The following IL15 variants were observed in gnomAD, a reference collection of about 807,000 sequenced individuals.
IL15 encodes the protein interleukin 15.
A neutral mutation model predicts 19.6 loss-of-function variants in IL15; 11 were observed. The observed-to-expected ratio is 0.56, with a 90% CI of 0.35 to 0.93. The LOEUF (loss-of-function observed/expected upper bound fraction) is 0.93, where lower values mean the gene tolerates loss of function less well. IL15 is among the 40% of genes least tolerant of loss of function. IL15 has a pLI of 0.01. For missense variants in IL15, 197 were observed against 186.5 expected (o/e 1.06, Z -0.33); for synonymous variants, 58 against 59.6 (o/e 0.97, Z 0.12).
chr4:141,657,626 A>G (rs1423708413), intron 2 of IL15, among the ~76,000 whole-genome samples: 1 of 152,062 alleles, frequency 6.6e-6, no homozygotes, highest in Non-Finnish European at 1.5e-5. Context: ...TTAAAAACTA[A>G]GACATAAACT....
At chr4:141,728,404 G>T (rs1397380262) in intron 6 of IL15, among the ~76,000 whole-genome samples, 1 of 151,988 alleles carries the variant, frequency 6.6e-6, no homozygotes, top group Admixed American at 6.6e-5. Context: ...TTCATGTTCT[G>T]CATTTTACAT....
chr4:141,713,206 G>A lies in IL15; in HGVS notation c.-99-6160G>A, dbSNP rs116242401. Reference sequence around the variant, plus strand: ...GCAATTGCTGAAAATGTCTTAGTGCGATTAATGATAGGAAGATTGGAGATG... The same window carrying A: ...GCAATTGCTGAAAATGTCTTAGTGCAATTAATGATAGGAAGATTGGAGATG... On this transcript the variant is annotated intron_variant, in intron 2 of 7. Coordinates refer to ENST00000320650, the MANE Select transcript of IL15 (RefSeq NM_000585.5). Among the ~76,000 whole-genome samples the A allele has an allele frequency of 5.2e-3, 792 of 152,236 alleles. 13 individuals carry two copies. The highest frequency in any genetic ancestry group is 0.018 in the African/African-American group (736 of 41,544).
chr4:141,670,493 ACC>A (rs1728135400), intron 2 of IL15, among the ~76,000 whole-genome samples: 2 of 152,182 alleles, frequency 1.3e-5, no homozygotes, highest in Non-Finnish European at 2.9e-5. Flanking sequence ...TCTTAAACTA[ACC>A]ATAATTAATG....
At chr4:141,643,555 A>T (rs1727123278) in intron 1 of IL15, among the ~76,000 whole-genome samples, 1 of 152,122 alleles carries the variant, frequency 6.6e-6, no homozygotes, top group Non-Finnish European at 1.5e-5. Flanking sequence ...AGAGTTCTTC[A>T]TGTGGCTTCC....
intron 5 of IL15, among the ~76,000 whole-genome samples, chr4:141,724,099 A>C (rs1417400143): frequency 6.6e-6 from 1 of 152,118 alleles, no homozygotes; most frequent in African/African-American, 2.4e-5. Context: ...TTTTTTCAGA[A>C]CTTAAATCAT....
chr4:141,707,105 T>A (rs1470714109), intron 2 of IL15, among the ~76,000 whole-genome samples: 2 of 152,188 alleles, frequency 1.3e-5, no homozygotes, highest in Non-Finnish European at 2.9e-5. Flanking sequence ...TCTTTTGTTC[T>A]TATTTCTGTG....
chr4:141,662,102 A>T (rs1216554221), intron 2 of IL15, among the ~76,000 whole-genome samples: 4 of 152,196 alleles, frequency 2.6e-5, no homozygotes, highest in Admixed American at 6.5e-5. Flanking sequence ...TAGTTTTGTC[A>T]TGACTTGCCT....
chr4:141,652,111 C>A (rs1727426826), intron 1 of IL15, among the ~76,000 whole-genome samples: 1 of 151,934 alleles, frequency 6.6e-6, no homozygotes, highest in African/African-American at 2.4e-5. Context: ...TAATATAAAG[C>A]AGAAAAAATG....
intron 2 of IL15, chr4:141,714,634 G>T (rs557542919): frequency 6.6e-6 from 1 of 152,236 alleles, no homozygotes; most frequent in Non-Finnish European, 1.5e-5. Context: ...TGCTGAAACT[G>T]TGTCTTGCTT....
intron 2 of IL15, among the ~76,000 whole-genome samples, chr4:141,696,179 T>A (rs1327923922): frequency 1.3e-5 from 2 of 152,192 alleles, no homozygotes; most frequent in African/African-American, 4.8e-5. Flanking sequence ...CCAGCACCAT[T>A]TATTGAAAGA....
At chr4:141,659,715 A>G (rs1727728157) in intron 2 of IL15, among the ~76,000 whole-genome samples, 1 of 152,254 alleles carries the variant, frequency 6.6e-6, no homozygotes, top group South Asian at 2.1e-4. Context: ...CAAATAAGCT[A>G]TGGCAGGGGA....
At position 141,720,526 on chromosome 4, in the gene IL15, C is replaced by A. The variant is rs1298355381; in HGVS notation, c.70C>A (p.His24Asn). The change falls in exon 4 of 8, where the codon CAT becomes AAT. Residue 24 changes from histidine (H) to asparagine (N), a missense_variant. His to Asn is a moderately conservative substitution (Grantham distance 68, BLOSUM62 1). Coordinates refer to ENST00000320650, the MANE Select transcript of IL15 (RefSeq NM_000585.5). ...CTACTTGTGTTTACTTCTAAACAGT[C>A]ATTTTCTAACTGAAGCTGGCATTCA... Reference protein sequence around the residue: ...QCYLCLLLNSHFLTEAGIHVF... With the variant: ...QCYLCLLLNSNFLTEAGIHVF... 2 of 1,597,974 alleles carry A rather than the reference C, an allele frequency of 1.3e-6. No homozygotes were observed. The highest frequency in any genetic ancestry group is 1.3e-5 in the African/African-American group (1 of 74,538).
chr4:141,685,053 T>A (rs532748624), intron 2 of IL15, among the ~76,000 whole-genome samples: 2 of 152,192 alleles, frequency 1.3e-5, no homozygotes, highest in Admixed American at 1.3e-4. Context: ...TGGCTACTAC[T>A]TAGTCATTCG....
chr4:141,703,470 C>A (rs1729397176), intron 2 of IL15, among the ~76,000 whole-genome samples: 1 of 152,156 alleles, frequency 6.6e-6, no homozygotes, highest in Admixed American at 6.5e-5. Flanking sequence ...GCGACTGCTT[C>A]TACTTTTATT....
intron 5 of IL15, among the ~76,000 whole-genome samples, chr4:141,723,882 T>G (rs1014345439): frequency 2.0e-5 from 3 of 151,972 alleles, no homozygotes; most frequent in African/African-American, 7.2e-5. Flanking sequence ...AATAGACAAA[T>G]CCACAATTAT....
intron 2 of IL15, among the ~76,000 whole-genome samples, chr4:141,669,731 G>A (rs1304701734): frequency 2.0e-5 from 3 of 151,496 alleles, no homozygotes; most frequent in Non-Finnish European, 4.4e-5. Flanking sequence ...AAATATTTCG[G>A]TCTTTGTGGA....
At chr4:141,679,780 A>G (rs1388023255) in intron 2 of IL15, among the ~76,000 whole-genome samples, 1 of 152,256 alleles carries the variant, frequency 6.6e-6, no homozygotes, top group African/African-American at 2.4e-5. Context: ...TGATGTTATC[A>G]TTTTGATGGA....
chr4:141,692,195 A>T (rs1327793052), intron 2 of IL15, among the ~76,000 whole-genome samples: 1 of 152,200 alleles, frequency 6.6e-6, no homozygotes. Context: ...GCTGGAACAC[A>T]GGGTGCCATG....
chr4:141,664,344 C>A lies in IL15; in HGVS notation c.-100+8037C>A, dbSNP rs1189028896. Among the ~76,000 whole-genome samples the A allele has an allele frequency of 3.0e-3, 170 of 57,210 alleles. 1 individual carries two copies. The highest frequency in any genetic ancestry group is 0.011 in the African/African-American group (161 of 14,832). 37.5% of individuals were successfully genotyped at this position (57,210 alleles called of 152,430 possible). A position where few individuals can be genotyped will look rare whatever the true frequency, so the allele number is the denominator to read the frequency against. On this transcript the variant is annotated intron_variant, in intron 2 of 7. Coordinates refer to ENST00000320650, the MANE Select transcript of IL15 (RefSeq NM_000585.5). ...TAAAAAAATTCTTTGGTGGGCAAAA[C>A]ACACACACACACACACACACACACA...
Sources: allele counts gnomAD v4.1 joint callset (sites outside exome capture counted in the v4.1 genomes callset), GRCh38; gene constraint gnomAD v4.1.1; transcripts MANE v1.5; gene names NCBI Gene and HGNC (gene_info 2026-07-23, HGNC 2026-07-21).